The following NEK11 variants were observed in gnomAD, a reference collection of about 807,000 sequenced individuals.
The protein encoded by NEK11 is NIMA related kinase 11, also known as serine/threonine-protein kinase Nek11.
NEK11 carries 72 observed loss-of-function variants against 80.7 expected under a neutral mutation model. The ratio of observed to expected loss-of-function variants is 0.89; its 90% confidence interval spans 0.74 to 1.08. The LOEUF (loss-of-function observed/expected upper bound fraction) is 1.08, where lower values mean the gene tolerates loss of function less well. Ranked by LOEUF, NEK11 falls within the 50% of genes least tolerant of loss-of-function variation. NEK11 has a pLI of 0.00. For synonymous variants in NEK11, 251 were observed against 260.7 expected, an observed-to-expected ratio of 0.96 and a Z score of 0.36; for missense variants, 764 against 763.6, an observed-to-expected ratio of 1.00 and a Z score of -0.01.
At chr3:131,264,644 C>T (rs1019795792) in intron 16 of NEK11, among the ~76,000 whole-genome samples, 60 of 152,152 alleles carry the variant, frequency 3.9e-4, no homozygotes, top group African/African-American at 1.2e-3. Context: ...AGTCAGGTAG[C>T]GTGATACCTC....
chr3:131,267,722 ACCTT>A (rs962257565), intron 16 of NEK11, among the ~76,000 whole-genome samples: 4 of 143,532 alleles, frequency 2.8e-5, no homozygotes, highest in African/African-American at 1.0e-4. Context: ...CTTCATTTCA[ACCTT>A]GGTGAATCTG....
At chr3:131,307,355 A>G (rs2096733405) in intron 17 of NEK11, among the ~76,000 whole-genome samples, 1 of 152,222 alleles carries the variant, frequency 6.6e-6, no homozygotes, top group African/African-American at 2.4e-5. Context: ...TGCCTTTGAG[A>G]GACTGAAAGT....
intron 16 of NEK11, among the ~76,000 whole-genome samples, chr3:131,256,704 C>A (rs2095822601): frequency 6.6e-6 from 1 of 151,992 alleles, no homozygotes; most frequent in Non-Finnish European, 1.5e-5. Flanking sequence ...GGCTCAGGGT[C>A]TCTCATGAGT....
chr3:131,096,294 G>C (rs971829481), intron 4 of NEK11, among the ~76,000 whole-genome samples: 1 of 151,940 alleles, frequency 6.6e-6, no homozygotes, highest in Non-Finnish European at 1.5e-5. Context: ...TTCTGTTCCT[G>C]TATTGGTTTG....
intron 14 of NEK11, among the ~76,000 whole-genome samples, chr3:131,225,490 C>A (rs535601885): frequency 4.6e-5 from 7 of 152,248 alleles, no homozygotes; most frequent in Admixed American, 1.3e-4. Context: ...GAGTGTTTGC[C>A]TTATTTGATA....
chr3:131,152,304 C>A, intron 7 of NEK11, 84 bp from the exon 8 acceptor site: 1 of 1,227,880 alleles, frequency 8.1e-7, no homozygotes, highest in Non-Finnish European at 1.1e-6. Context: ...AGCCAATGCC[C>A]CAACACATCT....
chr3:131,052,682 A>T (rs534967107), intron 3 of NEK11, among the ~76,000 whole-genome samples: 1 of 152,302 alleles, frequency 6.6e-6, no homozygotes, highest in South Asian at 2.1e-4. Context: ...AGCAGAAATT[A>T]TGTTGTAAAA....
At chr3:131,270,694 A>T (rs573985332) in intron 16 of NEK11, among the ~76,000 whole-genome samples, 16 of 152,336 alleles carry the variant, frequency 1.1e-4, no homozygotes, top group Admixed American at 3.9e-4. Flanking sequence ...ACTCGAAATT[A>T]TACTTGCCCT....
At chr3:131,211,668 T>G (rs184809549) in intron 14 of NEK11, among the ~76,000 whole-genome samples, 77 of 152,316 alleles carry the variant, frequency 5.1e-4, no homozygotes, top group African/African-American at 1.8e-3. Context: ...TGTTCATTTC[T>G]TTTTACTCTT....
intron 14 of NEK11, among the ~76,000 whole-genome samples, chr3:131,200,646 A>G (rs934131375): frequency 6.6e-6 from 1 of 152,214 alleles, no homozygotes; most frequent in Admixed American, 6.5e-5. Context: ...AGGCCTCTCA[A>G]AAAAGTATCA....
chr3:131,348,532 A>T lies in NEK11; in HGVS notation c.1719-1025A>T, dbSNP rs546953713. On this transcript the variant is annotated intron_variant, in intron 17 of 17. Transcript: ENST00000383366. ...GCAGGCCCCACATAAAGACATTCACATTAAAACATTTAAAAATAATAAAGG... is the reference window on the plus strand; with the variant it reads ...GCAGGCCCCACATAAAGACATTCACTTTAAAACATTTAAAAATAATAAAGG... Among the ~76,000 whole-genome samples, 16 of 152,136 alleles carry T rather than the reference A, an allele frequency of 1.1e-4. No homozygotes were observed. In the South Asian group the frequency reaches 3.3e-3, roughly 32 times the overall value.
chr3:131,308,669 A>C (rs2096746786), intron 17 of NEK11, among the ~76,000 whole-genome samples: 1 of 152,202 alleles, frequency 6.6e-6, no homozygotes, highest in Non-Finnish European at 1.5e-5. Context: ...TCTTTGTAAC[A>C]GAGTCCTTTT....
intron 3 of NEK11, among the ~76,000 whole-genome samples, chr3:131,054,956 G>T (rs962855126): frequency 1.3e-5 from 2 of 151,718 alleles, no homozygotes; most frequent in Non-Finnish European, 2.9e-5. Flanking sequence ...CCTTTTTTCT[G>T]ATCCAAGGGC....
intron 3 of NEK11, among the ~76,000 whole-genome samples, chr3:131,035,751 G>A (rs1175429839): frequency 1.3e-5 from 2 of 152,284 alleles, no homozygotes; most frequent in East Asian, 1.9e-4. Flanking sequence ...TATCTAATGA[G>A]AAGTGAAAAT....
chr3:131,194,151 C>T (rs79624441), intron 14 of NEK11, among the ~76,000 whole-genome samples: 82 of 152,288 alleles, frequency 5.4e-4, no homozygotes, highest in African/African-American at 2.0e-3. Context: ...TCTATGTCAG[C>T]ATTGACAAAT....
chr3:131,113,106 T>A (rs916046868), intron 5 of NEK11, among the ~76,000 whole-genome samples: 6 of 152,132 alleles, frequency 3.9e-5, no homozygotes, highest in African/African-American at 1.4e-4. Context: ...GAGAATGAAC[T>A]CAGTAAGTTG....
intron 3 of NEK11, among the ~76,000 whole-genome samples, chr3:131,047,512 C>T (rs142966799): frequency 0.012 from 1,871 of 152,302 alleles, 20 homozygotes; most frequent in Admixed American, 0.02. Flanking sequence ...GATGTGGTTT[C>T]CTGAGAGCTG....
chr3:131,095,128 T>C (rs528045494), intron 4 of NEK11, among the ~76,000 whole-genome samples: 7 of 152,194 alleles, frequency 4.6e-5, no homozygotes, highest in Non-Finnish European at 1.0e-4. Context: ...ATGGAGCTCA[T>C]TCAAATTGTA....
At chr3:131,179,204 C>T (rs879452826) in intron 14 of NEK11, among the ~76,000 whole-genome samples, 27 of 152,196 alleles carry the variant, frequency 1.8e-4, no homozygotes, top group Non-Finnish European at 2.6e-4. Flanking sequence ...CAGGGAGCAG[C>T]CCTTACCACA....
Sources: allele counts gnomAD v4.1 joint callset (sites outside exome capture counted in the v4.1 genomes callset), GRCh38; gene constraint gnomAD v4.1.1; transcripts MANE v1.5; gene names NCBI Gene and HGNC (gene_info 2026-07-23, HGNC 2026-07-21).